WNT10A: variants seen among roughly 807,000 people sequenced by gnomAD.
WNT10A encodes the protein protein Wnt-10a.
Under a neutral mutation model 36.1 loss-of-function variants are expected in WNT10A, and 37 were observed. That is an observed-to-expected ratio of 1.02 (90% CI 0.79 to 1.35). The LOEUF (loss-of-function observed/expected upper bound fraction) is 1.35. Among genes scored for constraint, WNT10A ranks in the 40% most tolerant of loss-of-function variants. The pLI is 0.00. For synonymous variants in WNT10A, 255 were observed against 254.1 expected (o/e 1.00, Z -0.03); for missense variants, 613 against 601.4 (o/e 1.02, Z -0.20).
chr2:218,875,936 C>T (rs1944449805), upstream of WNT10A, among the ~76,000 whole-genome samples: 10 of 152,242 alleles, frequency 6.6e-5, no homozygotes, highest in South Asian at 2.1e-3. Flanking sequence ...CAGGGAAGTC[C>T]AGAGGTTAGT....
At chr2:218,892,733 GC>G (rs1327027015) in intron 3 of WNT10A, 40 bp from the exon 4 acceptor site, 2 of 1,554,764 alleles carry the variant, frequency 1.3e-6, no homozygotes, top group South Asian at 1.2e-5. Context: ...GGGGAGTGGG[GC>G]TGCGCGCCGT....
At chr2:218,881,932 C>A (rs1021375512) in intron 1 of WNT10A, among the ~76,000 whole-genome samples, 4 of 152,134 alleles carry the variant, frequency 2.6e-5, no homozygotes, top group African/African-American at 9.7e-5. Context: ...TGCATTTGCA[C>A]GCTTACCTGT....
rs748995277 is a variant in WNT10A, at chr2:218,890,030, G to C, written c.423G>C (p.Val141=). ...AFAYAIAAAG[V]VHAVSNACAL... ...CCTACGCCATCGCAGCAGCTGGCGT[G>C]GTGCACGCCGTGTCCAATGCGTGTG... Residue 141 remains valine (V), a synonymous_variant, in exon 3 of 4, where the codon GTG becomes GTC. Transcript: ENST00000258411. The C allele has an allele frequency of 6.8e-6, 11 of 1,613,850 alleles. No individual in the cohort carries two copies. Among genetic ancestry groups the C allele is most frequent in the Middle Eastern group, 1.7e-4 (1 of 5,788 alleles).
intron 2 of WNT10A, among the ~76,000 whole-genome samples, chr2:218,887,519 C>T (rs1944592386): frequency 6.6e-6 from 1 of 152,226 alleles, no homozygotes; most frequent in Non-Finnish European, 1.5e-5. Flanking sequence ...TTCCCAGCAT[C>T]CCCATAGAAG....
At position 218,880,867 on chromosome 2, in the gene WNT10A, C is replaced by T. The variant is rs982976231; in HGVS notation, c.-129C>T. On this transcript the variant is annotated 5_prime_UTR_variant, in exon 1 of 4. Coordinates refer to ENST00000258411, the MANE Select transcript of WNT10A (RefSeq NM_025216.3). This position sits in a 1 kb window ranked among gnomAD's most constrained non-coding sequence, Gnocchi z 7.7. ...GGCGGGCGCCGTCTGCTCCGGGAGC[C>T]CTGACCCGAGTCGGAGCTGTGTGTC... The T allele has an allele frequency of 2.5e-6, 3 of 1,200,776 alleles. No homozygotes were observed. The highest frequency in any genetic ancestry group is 1.7e-5 in the South Asian group (1 of 59,574). 74.4% of individuals were successfully genotyped at this position (1,200,776 alleles called of 1,614,324 possible). A position where few individuals can be genotyped will look rare whatever the true frequency, so the allele number is the denominator to read the frequency against.
chr2:218,887,086 A>G (rs1426354504), intron 2 of WNT10A, among the ~76,000 whole-genome samples: 1 of 152,230 alleles, frequency 6.6e-6, no homozygotes, highest in Non-Finnish European at 1.5e-5. Context: ...ACAAGTCGAT[A>G]GGAACTAGAA....
At chr2:218,885,046 T>A in intron 2 of WNT10A, among the ~76,000 whole-genome samples, 1 of 151,882 alleles carries the variant, frequency 6.6e-6, no homozygotes, top group East Asian at 1.9e-4. Context: ...GCTGGAGGGA[T>A]GGGGTTTTGA....
chr2:218,880,833 G>T, upstream of WNT10A: 1 of 744,514 alleles, frequency 1.3e-6, no homozygotes. This position sits in a 1 kb window ranked among gnomAD's most constrained non-coding sequence, Gnocchi z 7.7. Context: ...CTGCCCCATG[G>T]AGCGGGGAGG....
In WNT10A at chr2:218,881,005, G is replaced by A. The variant is rs1250814247; in HGVS notation, c.10G>A (p.Ala4Thr). 1 of 1,578,998 alleles carries A rather than the reference G, an allele frequency of 6.3e-7. No individual in the cohort carries two copies. The highest frequency in any genetic ancestry group is 1.8e-5 in the Admixed American group (1 of 55,844). The change falls in exon 1 of 4, where the codon GCC becomes ACC. Residue 4 changes from alanine to threonine, a missense_variant. Ala to Thr is a moderately conservative substitution (Grantham distance 58). Transcript: ENST00000258411. MGS[A>T]HPRPWLRLRP... ...TCAGGGCCTGCGCGCCATGGGCAGC[G>A]CCCACCCTCGCCCCTGGCTGCGGCT...
At chr2:218,876,378 C>T (rs552109882), upstream of WNT10A, among the ~76,000 whole-genome samples, 3 of 152,156 alleles carry the variant, frequency 2.0e-5, no homozygotes, top group Non-Finnish European at 4.4e-5. Context: ...AGACCCTCAC[C>T]GTGGCTTCCA....
upstream of WNT10A, among the ~76,000 whole-genome samples, chr2:218,876,933 G>A (rs902539217): frequency 2.6e-5 from 4 of 152,144 alleles, no homozygotes; most frequent in African/African-American, 9.7e-5. Context: ...AGACAGCTTG[G>A]GTCAAGCTTC....
At chr2:218,882,473 C>T in intron 2 of WNT10A, 50 bp downstream of exon 2, 1 of 1,610,102 alleles carries the variant, frequency 6.2e-7, no homozygotes, top group Non-Finnish European at 8.5e-7. Flanking sequence ...GCATCTCCAC[C>T]TCAGAATCTA....
At position 218,890,175 on chromosome 2, in the gene WNT10A, C is replaced by T; in HGVS notation, c.568C>T (p.His190Tyr). The change falls in exon 3 of 4, where the codon CAT (histidine) becomes TAT (tyrosine). Residue 190 changes from histidine (H) to tyrosine (Y), a missense_variant. His to Tyr is a moderately conservative substitution (Grantham distance 83). Coordinates refer to ENST00000258411, the MANE Select transcript of WNT10A (RefSeq NM_025216.3). ...DALQRGKGLS[H>Y]GVPEHPALPT... ...ACTGCAGCGTGGTAAGGGCCTGAGCCATGGGGTCCCGGAACACCCAGCCCT... is the reference window on the plus strand; with the variant it reads ...ACTGCAGCGTGGTAAGGGCCTGAGCTATGGGGTCCCGGAACACCCAGCCCT... The T allele has an allele frequency of 6.2e-7, 1 of 1,614,130 alleles. No individual in the cohort carries two copies. Among genetic ancestry groups the T allele is most frequent in the Middle Eastern group, 1.7e-4 (1 of 6,060 alleles).
intron 1 of WNT10A, among the ~76,000 whole-genome samples, chr2:218,881,842 G>A (rs1406034422): frequency 6.6e-6 from 1 of 152,132 alleles, no homozygotes; most frequent in Non-Finnish European, 1.5e-5. Context: ...GTGGGCTTGT[G>A]GGGAACCCTG....
intron 2 of WNT10A, among the ~76,000 whole-genome samples, chr2:218,886,960 A>G (rs929815881): frequency 2.2e-4 from 34 of 152,160 alleles, no homozygotes; most frequent in African/African-American, 7.2e-4. Flanking sequence ...GCGGTGGGGT[A>G]CGTTTCTCCA....
chr2:218,888,402 C>G (rs142649133), intron 2 of WNT10A, among the ~76,000 whole-genome samples: 2 of 152,362 alleles, frequency 1.3e-5, no homozygotes, highest in African/African-American at 4.8e-5. Context: ...GTGGACAAGC[C>G]AGTGGCCAGG....
At position 218,893,097 on chromosome 2, in the gene WNT10A, C is replaced by A. The variant is rs1030957930; in HGVS notation, c.1080C>A (p.Arg360=). The A allele has an allele frequency of 1.3e-6, 2 of 1,596,668 alleles. No homozygotes were observed. Among genetic ancestry groups the A allele is most frequent in the Non-Finnish European group, 1.7e-6 (2 of 1,179,220 alleles). ...PRLDSAGTVG[R]LCNKSSAGSD... is the part of the protein sequence containing the mutation. ...TGGACTCGGCGGGCACCGTGGGCCG[C>A]CTGTGCAACAAGAGCAGCGCCGGCT... is the stretch of plus-strand genomic sequence containing the variant. The change falls in exon 4 of 4, where the codon CGC becomes CGA. Residue 360 remains arginine, a synonymous_variant. Transcript: ENST00000258411. This position sits in a 1 kb window ranked among gnomAD's most constrained non-coding sequence, Gnocchi z 6.3.
chr2:218,887,747 T>C (rs1480632406), intron 2 of WNT10A, among the ~76,000 whole-genome samples: 1 of 151,718 alleles, frequency 6.6e-6, no homozygotes, highest in African/African-American at 2.4e-5. Context: ...GCAGCAGGAG[T>C]GAGTGAGGTC....
upstream of WNT10A, among the ~76,000 whole-genome samples, chr2:218,878,712 G>A (rs1265567409): frequency 1.3e-5 from 2 of 152,164 alleles, no homozygotes; most frequent in African/African-American, 4.8e-5. This position sits in a 1 kb window ranked among gnomAD's most constrained non-coding sequence, Gnocchi z 4.1. Context: ...AAATGCTAGT[G>A]TGAGCGCGTG....
Sources: gnomAD v4.1 joint callset for allele counts (sites outside exome capture counted in the v4.1 genomes callset) on GRCh38, gnomAD v4.1.1 for gene constraint, Gnocchi (gnomAD v3.1) non-coding constraint, MANE v1.5 for transcripts, NCBI Gene and HGNC (gene_info 2026-07-23, HGNC 2026-07-21) for gene names.